TDRD7: variants seen among roughly 807,000 people sequenced by gnomAD.
The protein encoded by TDRD7 is tudor domain-containing protein 7.
TDRD7 carries 47 observed loss-of-function variants against 109.8 expected under a neutral mutation model. That is an observed-to-expected ratio of 0.43 (90% CI 0.34 to 0.55). The LOEUF (loss-of-function observed/expected upper bound fraction) is 0.55, where lower values mean the gene tolerates loss of function less well. Among genes scored for constraint, TDRD7 ranks in the 20% least tolerant of loss-of-function variants. The pLI is 0.03. For missense variants in TDRD7, 1,164 were observed against 1,319.2 expected (o/e 0.88, Z 1.82); for synonymous variants, 424 against 457.3 (o/e 0.93, Z 0.93).
chr9:97,441,133 ATT>A (rs961993068), intron 5 of TDRD7, among the ~76,000 whole-genome samples: 1 of 152,168 alleles, frequency 6.6e-6, no homozygotes, highest in African/African-American at 2.4e-5. Context: ...TTGCTAAATT[ATT>A]TGTTTTCCAT....
rs1829390713 is a variant in TDRD7, at chr9:97,495,917, A to AT, written c.*40dup. ...TCTGAAACCTTGACAACTAATTCAGATTTTTTAGCAATAACAAAATGTAGT... is the reference window on the plus strand; with the variant it reads ...TCTGAAACCTTGACAACTAATTCAGATTTTTTTAGCAATAACAAAATGTAGT... On this transcript the variant is annotated 3_prime_UTR_variant, in exon 17 of 17. Transcript: ENST00000355295. 6.4e-7 allele frequency: 1 copy of AT among 1,573,878 alleles called. No homozygotes were observed. Among genetic ancestry groups the AT allele is most frequent in the African/African-American group, 1.4e-5 (1 of 74,064 alleles).
At chr9:97,437,318 G>T (rs558222166) in intron 4 of TDRD7, among the ~76,000 whole-genome samples, 31 of 152,248 alleles carry the variant, frequency 2.0e-4, no homozygotes, top group African/African-American at 7.2e-4. Flanking sequence ...TACTCACATG[G>T]TTATTGGCAC....
At chr9:97,423,500 T>C (rs1349998741) in intron 1 of TDRD7, among the ~76,000 whole-genome samples, 2 of 152,102 alleles carry the variant, frequency 1.3e-5, no homozygotes, top group African/African-American at 2.4e-5. Context: ...TTAAACTTCA[T>C]TATTGATCTG....
At chr9:97,478,871 A>G (rs796314317) in intron 13 of TDRD7, among the ~76,000 whole-genome samples, 4 of 152,214 alleles carry the variant, frequency 2.6e-5, no homozygotes, top group African/African-American at 9.6e-5. Flanking sequence ...TGACTTATGT[A>G]CAGTTCCAGA....
rs1829228235 is a variant in TDRD7 at position 97,487,317 on chromosome 9, A to G, written c.3061A>G (p.Thr1021Ala). 6.2e-7 allele frequency: 1 copy of G among 1,613,994 alleles called. No homozygotes were observed. Among genetic ancestry groups the G allele is most frequent in the Non-Finnish European group, 8.5e-7 (1 of 1,179,892 alleles). Residue 1021 changes from threonine to alanine, a missense_variant, in exon 16 of 17, where the codon ACA (threonine) becomes GCA (alanine). Physicochemically the swap from Thr to Ala is moderately conservative, Grantham distance 58. Transcript: ENST00000355295. ...MFRKLPFQAVTAQLAGVKCNQ... is the reference protein window; with the variant it reads ...MFRKLPFQAVAAQLAGVKCNQ... ...CCGAAAGCTGCCCTTCCAAGCAGTC[A>G]CAGCTCAACTTGCAGGTAATTTCTG...
chr9:97,475,616 C>T, intron 12 of TDRD7, 147 bp downstream of exon 12: 1 of 705,462 alleles, frequency 1.4e-6, no homozygotes, highest in Non-Finnish European at 2.5e-6. Flanking sequence ...GTTGAAATTT[C>T]CTGGTTGAAG....
intron 8 of TDRD7, among the ~76,000 whole-genome samples, chr9:97,465,821 A>G (rs1352478182): frequency 1.3e-5 from 2 of 151,934 alleles, no homozygotes; most frequent in African/African-American, 4.8e-5. Flanking sequence ...TTGGAGGGAG[A>G]GAAAGTCTTT....
chr9:97,433,379 T>A lies in TDRD7; in HGVS notation c.563+1141T>A, dbSNP rs550874614. ...AAATACATAGTTAAAACACAGATCT[T>A]GACCCAAAGTGCTAGTTGAATCCAG... On this transcript the variant is annotated intron_variant, in intron 4 of 16. Coordinates refer to ENST00000355295, the MANE Select transcript of TDRD7 (RefSeq NM_014290.3). Among the ~76,000 whole-genome samples, 8 of 152,064 alleles carry A rather than the reference T, an allele frequency of 5.3e-5. 1 individual carries two copies. Among genetic ancestry groups the A allele is most frequent in the South Asian group, 4.1e-4 (2 of 4,826 alleles).
At chr9:97,487,537 T>G (rs1829231947) in intron 16 of TDRD7, among the ~76,000 whole-genome samples, 1 of 152,114 alleles carries the variant, frequency 6.6e-6, no homozygotes, top group African/African-American at 2.4e-5. Context: ...CTGCTGTTTC[T>G]CTTTTCTCTA....
chr9:97,468,235 G>A (rs867140376), intron 8 of TDRD7, among the ~76,000 whole-genome samples: 11 of 152,232 alleles, frequency 7.2e-5, no homozygotes, highest in Middle Eastern at 6.8e-3. Flanking sequence ...GAGGAGGAGG[G>A]GCCTGGGCCC....
intron 5 of TDRD7, among the ~76,000 whole-genome samples, 200 bp from the exon 6 acceptor site, chr9:97,441,458 A>T (rs1306377216): frequency 6.6e-6 from 1 of 152,170 alleles, no homozygotes; most frequent in Non-Finnish European, 1.5e-5. Flanking sequence ...GACCCACAAG[A>T]AACACTGCTG....
rs1440971259 is a variant in TDRD7, at chr9:97,495,866, C to T, written c.3280C>T (p.Leu1094Phe). ...TTTTATGTCAGAGTATCTGATAGAG[C>T]TTTCAAAAGTTAATTAATGACTGCC... ...HDFMSEYLIE[L>F]SKVN Residue 1094 changes from leucine to phenylalanine, a missense_variant, in exon 17 of 17, where the codon CTT becomes TTT. Leu to Phe is a conservative substitution (Grantham distance 22). Around this residue, in one of 5 missense-constraint regions of TDRD7, gnomAD observed 162 missense variants for 222.5 expected, o/e 0.73. Transcript: ENST00000355295. The T allele has an allele frequency of 2.5e-6, 4 of 1,613,884 alleles. No individual in the cohort carries two copies. The South Asian group carries it at 4.4e-5, about 18-fold the overall frequency.
intron 3 of TDRD7, 35 bp downstream of exon 3, chr9:97,431,109 T>G: frequency 6.2e-7 from 1 of 1,612,788 alleles, no homozygotes; most frequent in Middle Eastern, 1.7e-4. Context: ...TTTTTAGGGC[T>G]GTCTACGAAT....
chr9:97,448,923 A>T (rs1251475153), intron 6 of TDRD7, among the ~76,000 whole-genome samples: 1 of 152,214 alleles, frequency 6.6e-6, no homozygotes, highest in Non-Finnish European at 1.5e-5. Context: ...GAGTAAGCTT[A>T]CCTCAGAGGC....
At chr9:97,479,678 C>G (rs1829082168) in intron 13 of TDRD7, among the ~76,000 whole-genome samples, 1 of 152,196 alleles carries the variant, frequency 6.6e-6, no homozygotes, top group Non-Finnish European at 1.5e-5. Flanking sequence ...GAGTCTAAAT[C>G]AGAGTACCAA....
At chr9:97,441,571 A>G (rs909061578) in intron 5 of TDRD7, 87 bp from the exon 6 acceptor site, 28 of 1,276,790 alleles carry the variant, frequency 2.2e-5, no homozygotes, top group Non-Finnish European at 3.0e-5. Context: ...ACACTATAGC[A>G]AAACCTGAAG....
At chr9:97,464,743 A>G in intron 7 of TDRD7, 99 bp from the exon 8 acceptor site, 2 of 1,312,914 alleles carry the variant, frequency 1.5e-6, no homozygotes. Flanking sequence ...ACTGGAACCA[A>G]AGATGGCAGC....
At chr9:97,442,974 T>TTA in intron 6 of TDRD7, among the ~76,000 whole-genome samples, 1 of 152,288 alleles carries the variant, frequency 6.6e-6, no homozygotes, top group Middle Eastern at 3.4e-3. Flanking sequence ...ATTTGTGTAT[T>TTA]TAGTAGAGAC....
Position 97,495,644 on chromosome 9 carries a change from C to T in TDRD7, c.3077-19C>T, listed in dbSNP as rs746370839. The T allele has an allele frequency of 1.2e-6, 2 of 1,610,570 alleles. No individual in the cohort carries two copies. The highest frequency in any genetic ancestry group is 3.3e-5 in the Admixed American group (2 of 60,016). Reference sequence around the variant, plus strand: ...CTTTGACTCCTCACTGCTCCCTCTTCTTCCTCTCTTCCTCCTAGGAGTGAA... The same window carrying T: ...CTTTGACTCCTCACTGCTCCCTCTTTTTCCTCTCTTCCTCCTAGGAGTGAA... On this transcript the variant is annotated intron_variant, in intron 16 of 16. Transcript: ENST00000355295.
Sources: gnomAD v4.1 joint callset for allele counts (sites outside exome capture counted in the v4.1 genomes callset) on GRCh38, gnomAD v4.1.1 for gene constraint, gnomAD v4.1.1 regional missense constraint, MANE v1.5 for transcripts, NCBI Gene and HGNC (gene_info 2026-07-23, HGNC 2026-07-21) for gene names.